Variants in CSMD1 observed in about 807,000 individuals in gnomAD.
CSMD1 encodes the protein CUB and Sushi multiple domains 1, also known as CUB and sushi domain-containing protein 1.
Under a neutral mutation model 417.5 loss-of-function variants are expected in CSMD1, and 213 were observed. The ratio of observed to expected loss-of-function variants is 0.51; its 90% CI spans 0.46 to 0.57. CSMD1 has a LOEUF of 0.57. Among genes scored for constraint, CSMD1 ranks in the 20% least tolerant of loss-of-function variants. CSMD1 has a pLI of 0.00. For missense variants in CSMD1, 6,923 were observed against 4,529.7 expected, an observed-to-expected ratio of 1.53 and a Z score of -15.17; for synonymous variants, 2,862 against 1,736.8, an observed-to-expected ratio of 1.65 and a Z score of -16.11.
chr8:3,267,721 G>A lies in CSMD1; in HGVS notation c.4153+16423C>T, dbSNP rs375788976. Among the ~76,000 whole-genome samples, 4 of 152,324 alleles carry A rather than the reference G, an allele frequency of 2.6e-5. No homozygotes were observed. In the South Asian group the frequency reaches 8.3e-4, roughly 32 times the overall value. ...GTAACGGGCTGACATCTGATGTTTT[G>A]GGTTACCCGGTGGGTGGGGCACACT... On this transcript the variant is annotated intron_variant, in intron 26 of 69. Coordinates refer to ENST00000635120, the MANE Select transcript of CSMD1 (RefSeq NM_033225.6).
At chr8:3,740,310 T>C (rs1796731157) in intron 6 of CSMD1, among the ~76,000 whole-genome samples, 1 of 152,212 alleles carries the variant, frequency 6.6e-6, no homozygotes, top group Non-Finnish European at 1.5e-5. Context: ...TTGACCATGT[T>C]GGACAGGCTG....
intron 2 of CSMD1, among the ~76,000 whole-genome samples, chr8:4,600,612 C>G (rs1345149105): frequency 1.3e-5 from 2 of 152,126 alleles, no homozygotes; most frequent in African/African-American, 2.4e-5. Context: ...AACATCAAAC[C>G]TTATTTGTGA....
intron 3 of CSMD1, among the ~76,000 whole-genome samples, chr8:4,409,214 G>C (rs1172450854): frequency 1.3e-5 from 2 of 152,114 alleles, no homozygotes; most frequent in African/African-American, 4.8e-5. Flanking sequence ...AAATGAATTT[G>C]ATTGATGAAA....
At chr8:3,296,811 T>C (rs1804004277) in intron 25 of CSMD1, among the ~76,000 whole-genome samples, 2 of 152,110 alleles carry the variant, frequency 1.3e-5, no homozygotes, top group Admixed American at 6.6e-5. Flanking sequence ...CGGTGCAGTA[T>C]GTTTATGGGA....
At chr8:3,409,914 T>A (rs556303899) in intron 12 of CSMD1, among the ~76,000 whole-genome samples, 9 of 152,362 alleles carry the variant, frequency 5.9e-5, no homozygotes, top group African/African-American at 2.2e-4. Flanking sequence ...CGATCTTTTA[T>A]CTGCAATTGC....
rs146981952 is a variant in CSMD1, at chr8:3,015,519, A to G, written c.8029+2958T>C. On this transcript the variant is annotated intron_variant, in intron 52 of 69. Coordinates refer to ENST00000635120, the MANE Select transcript of CSMD1 (RefSeq NM_033225.6). ...TATATATATATTTTGATTCAGAATCACTTCTGAATAGTACTTATGAATACC... is the reference window on the plus strand; with the variant it reads ...TATATATATATTTTGATTCAGAATCGCTTCTGAATAGTACTTATGAATACC... Among the ~76,000 whole-genome samples the G allele has an allele frequency of 2.6e-4, 40 of 152,142 alleles. No homozygotes were observed. In the East Asian group the frequency reaches 7.5e-3, roughly 29 times the overall value.
At chr8:3,581,122 G>A (rs1055391020) in intron 9 of CSMD1, among the ~76,000 whole-genome samples, 2 of 152,036 alleles carry the variant, frequency 1.3e-5, no homozygotes, top group Non-Finnish European at 2.9e-5. Context: ...CATTAAAGAA[G>A]TTCTCTACAT....
chr8:4,533,410 AC>A (rs1056563987), intron 2 of CSMD1, among the ~76,000 whole-genome samples: 2 of 152,234 alleles, frequency 1.3e-5, no homozygotes, highest in African/African-American at 4.8e-5. Flanking sequence ...GGATGGACGG[AC>A]AAAAAAGGGG....
intron 1 of CSMD1, among the ~76,000 whole-genome samples, chr8:4,667,411 G>A (rs191375076): frequency 1.3e-5 from 2 of 151,294 alleles, no homozygotes; most frequent in Admixed American, 6.6e-5. Context: ...ATTTTGATTT[G>A]GATTGCATTG....
At chr8:4,804,302 A>C (rs899644597) in intron 1 of CSMD1, among the ~76,000 whole-genome samples, 1 of 152,188 alleles carries the variant, frequency 6.6e-6, no homozygotes, top group Non-Finnish European at 1.5e-5. Flanking sequence ...AGCAGAAGCA[A>C]TTAATAATTG....
chr8:3,665,055 T>C (rs1798612142), intron 7 of CSMD1, among the ~76,000 whole-genome samples: 1 of 152,126 alleles, frequency 6.6e-6, no homozygotes, highest in South Asian at 2.1e-4. Flanking sequence ...TTCTCTGATG[T>C]TTCCATGACA....
chr8:3,827,535 C>G (rs1180006171), intron 5 of CSMD1, among the ~76,000 whole-genome samples: 1 of 152,200 alleles, frequency 6.6e-6, no homozygotes, highest in African/African-American at 2.4e-5. Context: ...AAGGCACTGT[C>G]ATATTCCTGA....
intron 1 of CSMD1, among the ~76,000 whole-genome samples, chr8:4,680,975 T>TGTGTGTCTGA (rs767579851): frequency 7.3e-6 from 1 of 136,682 alleles, no homozygotes; most frequent in African/African-American, 2.8e-5. Context: ...TGTGTGTGTG[T>TGTGTGTCTGA]GAGAGAGAGA....
intron 5 of CSMD1, among the ~76,000 whole-genome samples, chr8:3,810,390 C>T (rs1476594981): frequency 6.6e-6 from 1 of 152,110 alleles, no homozygotes; most frequent in African/African-American, 2.4e-5. Flanking sequence ...TATGGTGACC[C>T]TTCAGGGAGA....
At chr8:4,303,218 G>A (rs946392137) in intron 3 of CSMD1, among the ~76,000 whole-genome samples, 2 of 151,982 alleles carry the variant, frequency 1.3e-5, no homozygotes, top group Non-Finnish European at 2.9e-5. Context: ...GTTAACAGAG[G>A]CATCATCTAT....
At position 3,219,274 on chromosome 8, in the gene CSMD1, C is replaced by T; in HGVS notation, c.4653G>A (p.Gly1551=). The T allele has an allele frequency of 1.9e-6, 3 of 1,593,594 alleles. No individual in the cohort carries two copies. The highest frequency in any genetic ancestry group is 2.6e-6 in the Non-Finnish European group (3 of 1,169,114). The change falls in exon 29 of 70, where the codon GGG becomes GGA. Residue 1551 remains glycine (G), a synonymous_variant. Coordinates refer to ENST00000635120, the MANE Select transcript of CSMD1 (RefSeq NM_033225.6). ...FRSDASVGLS[G]FAIEFKEKPR... is the part of the protein sequence containing the mutation. ...CAATACCTTTAAATTCAATGGCGAA[C>T]CCTGAAAGGCCCACGGAGGCATCAC...
intron 9 of CSMD1, among the ~76,000 whole-genome samples, chr8:3,581,005 A>C (rs13278880): frequency 0.51 from 77,418 of 151,384 alleles, 20,439 homozygotes; most frequent in Non-Finnish European, 0.58. Context: ...CAATTAGCTC[A>C]CAGGTAACCA....
intron 30 of CSMD1, among the ~76,000 whole-genome samples, chr8:3,207,642 C>A (rs935672471): frequency 2.0e-5 from 3 of 152,066 alleles, no homozygotes; most frequent in Non-Finnish European, 4.4e-5. Flanking sequence ...TGAATCCCTG[C>A]ATTACAATCG....
At chr8:3,304,878 C>G (rs929737585) in intron 25 of CSMD1, among the ~76,000 whole-genome samples, 2 of 151,850 alleles carry the variant, frequency 1.3e-5, no homozygotes, top group African/African-American at 2.4e-5. Flanking sequence ...TTAAGAAAAA[C>G]AAAAATGTGA....
Sources: allele counts gnomAD v4.1 joint callset (sites outside exome capture counted in the v4.1 genomes callset), GRCh38; gene constraint gnomAD v4.1.1; transcripts MANE v1.5; gene names NCBI Gene and HGNC (gene_info 2026-07-23, HGNC 2026-07-21).